Variants in SUCLG2 observed in about 807,000 individuals in gnomAD.
SUCLG2 encodes succinate-CoA ligase GDP-forming subunit beta.
A neutral mutation model predicts 47.9 loss-of-function variants in SUCLG2; 42 were observed. The observed-to-expected ratio is 0.88, with a 90% CI of 0.69 to 1.14. SUCLG2 has a LOEUF of 1.14. Among genes scored for constraint, SUCLG2 ranks in the 50% most tolerant of loss-of-function variants. The pLI is 0.00. For synonymous variants in SUCLG2, 195 were observed against 197.3 expected (o/e 0.99, Z 0.10); for missense variants, 571 against 525.9 (o/e 1.09, Z -0.84).
intron 6 of SUCLG2, 52 bp from the exon 7 acceptor site, chr3:67,508,955 T>C: frequency 7.2e-7 from 1 of 1,389,638 alleles, no homozygotes; most frequent in Non-Finnish European, 9.9e-7. Context: ...AAAGAAAATT[T>C]ATTTTGCTGG....
intron 7 of SUCLG2, among the ~76,000 whole-genome samples, chr3:67,501,756 G>C (rs569450611): frequency 1.3e-5 from 2 of 152,220 alleles, no homozygotes; most frequent in South Asian, 4.2e-4. Context: ...GGACTGGAGA[G>C]CTTACAGGTT....
At chr3:67,388,284 G>T (rs1172461997) in intron 10 of SUCLG2, among the ~76,000 whole-genome samples, 2 of 152,200 alleles carry the variant, frequency 1.3e-5, no homozygotes, top group Non-Finnish European at 2.9e-5. Context: ...CTTACCGTAA[G>T]AATCTGGGAT....
chr3:67,539,074 G>T (rs188572107), intron 2 of SUCLG2, among the ~76,000 whole-genome samples: 1 of 152,218 alleles, frequency 6.6e-6, no homozygotes, highest in Admixed American at 6.5e-5. Flanking sequence ...TGATTGTCCT[G>T]GCCACATCTT....
At chr3:67,602,116 T>G (rs1708433689) in intron 2 of SUCLG2, among the ~76,000 whole-genome samples, 1 of 152,210 alleles carries the variant, frequency 6.6e-6, no homozygotes, top group Non-Finnish European at 1.5e-5. Context: ...AGAGATCTGG[T>G]GACACTCAGT....
intron 10 of SUCLG2, among the ~76,000 whole-genome samples, chr3:67,393,527 A>C (rs1575665970): frequency 6.6e-6 from 1 of 152,218 alleles, no homozygotes; most frequent in Non-Finnish European, 1.5e-5. Flanking sequence ...GGAAGCTCGA[A>C]CTGGGTGGAA....
chr3:67,397,557 A>G (rs376276966), intron 10 of SUCLG2, among the ~76,000 whole-genome samples: 6 of 152,054 alleles, frequency 3.9e-5, no homozygotes, highest in South Asian at 4.2e-4. Context: ...ATGCTCATGG[A>G]TAGGAAGAAT....
intron 2 of SUCLG2, among the ~76,000 whole-genome samples, chr3:67,543,052 T>G (rs1206007342): frequency 6.6e-6 from 1 of 152,184 alleles, no homozygotes; most frequent in Non-Finnish European, 1.5e-5. Context: ...ATTCCAAAAC[T>G]GACCACATAA....
chr3:67,570,983 GC>G (rs1156446827), intron 2 of SUCLG2, among the ~76,000 whole-genome samples: 14 of 152,134 alleles, frequency 9.2e-5, no homozygotes, highest in Non-Finnish European at 1.3e-4. Flanking sequence ...TGGAGACTGG[GC>G]CCTCTAATTT....
At chr3:67,497,469 T>A (rs1705377977) in intron 8 of SUCLG2, among the ~76,000 whole-genome samples, 1 of 152,162 alleles carries the variant, frequency 6.6e-6, no homozygotes, top group Admixed American at 6.5e-5. Context: ...AAGAAGCCAT[T>A]TTCACAAATT....
chr3:67,397,867 A>G (rs1441670196), intron 10 of SUCLG2, among the ~76,000 whole-genome samples: 1 of 151,928 alleles, frequency 6.6e-6, no homozygotes, highest in East Asian at 1.9e-4. Flanking sequence ...ATAACACCGC[A>G]TATCTACAAC....
intron 1 of SUCLG2, among the ~76,000 whole-genome samples, chr3:67,610,508 G>GAAAAAAAAAAAAAAAAAA (rs796945028): frequency 8.0e-6 from 1 of 124,318 alleles, no homozygotes. Context: ...TTAAAAGAAG[G>GAAAAAAAAAAAAAAAAAA]AAAAAAAAAA....
intron 9 of SUCLG2, among the ~76,000 whole-genome samples, chr3:67,456,845 T>A (rs1704198073): frequency 6.6e-6 from 1 of 151,986 alleles, no homozygotes. Flanking sequence ...GAAAAACATG[T>A]TTAGGGGGAA....
At chr3:67,495,698 C>T in intron 9 of SUCLG2, 100 bp downstream of exon 9, 1 of 1,275,880 alleles carries the variant, frequency 7.8e-7, no homozygotes, top group East Asian at 2.4e-5. Context: ...CTGCAGAGTA[C>T]ACATATTGAC....
At chr3:67,552,169 T>A (rs1707031099) in intron 2 of SUCLG2, among the ~76,000 whole-genome samples, 2 of 79,120 alleles carry the variant, frequency 2.5e-5, no homozygotes, top group African/African-American at 6.7e-5. Context: ...CAAAACTCCA[T>A]CTCAAAAAAA....
At chr3:67,536,257 A>G (rs1369143146) in intron 2 of SUCLG2, among the ~76,000 whole-genome samples, 1 of 152,234 alleles carries the variant, frequency 6.6e-6, no homozygotes, top group African/African-American at 2.4e-5. Flanking sequence ...TGCAATATAT[A>G]CACTGTCTGG....
chr3:67,615,438 T>A (rs1700607664), intron 1 of SUCLG2, among the ~76,000 whole-genome samples: 1 of 152,126 alleles, frequency 6.6e-6, no homozygotes, highest in Admixed American at 6.5e-5. Context: ...GCTCTGCACT[T>A]GCTCCAGCCT....
intron 2 of SUCLG2, among the ~76,000 whole-genome samples, chr3:67,534,407 C>A (rs1706483556): frequency 6.6e-6 from 1 of 151,840 alleles, no homozygotes; most frequent in South Asian, 2.1e-4. Flanking sequence ...TTTATTAAAT[C>A]ACAGTTTTTT....
At chr3:67,607,222 C>T (rs936614691) in intron 2 of SUCLG2, among the ~76,000 whole-genome samples, 5 of 152,122 alleles carry the variant, frequency 3.3e-5, no homozygotes, top group Non-Finnish European at 4.4e-5. Context: ...CCACTAGCCA[C>T]ATCAGTCTCT....
At chr3:67,533,747 T>G (rs1393251474) in intron 2 of SUCLG2, among the ~76,000 whole-genome samples, 7 of 152,306 alleles carry the variant, frequency 4.6e-5, no homozygotes, top group Non-Finnish European at 1.0e-4. Context: ...GTTACCAATC[T>G]TCAATCATTA....
Sources: gnomAD v4.1 joint callset for allele counts (sites outside exome capture counted in the v4.1 genomes callset) on GRCh38, gnomAD v4.1.1 for gene constraint, MANE v1.5 for transcripts, NCBI Gene and HGNC (gene_info 2026-07-23, HGNC 2026-07-21) for gene names.